The following CEP152 variants were observed in gnomAD, a reference collection of about 807,000 sequenced individuals.
CEP152 encodes the protein centrosomal protein 152.
CEP152 carries 132 observed loss-of-function variants against 188.9 expected under a neutral mutation model. That is an observed-to-expected ratio of 0.70 (90% CI 0.61 to 0.81). The LOEUF is 0.81. Ranked by LOEUF, CEP152 falls within the 30% of genes least tolerant of loss-of-function variation. The probability of loss-of-function intolerance (pLI) is 0.00; values close to 1 mark genes in which losing one functional copy is unlikely to be tolerated. For synonymous variants in CEP152, 649 were observed against 666.6 expected (o/e 0.97, Z 0.41); for missense variants, 1,914 against 1,969.8 (o/e 0.97, Z 0.54).
chr15:48,798,540 CT>C (rs10716423), intron 2 of CEP152, among the ~76,000 whole-genome samples: 61,194 of 151,900 alleles, frequency 0.4, 12,894 homozygotes, highest in Non-Finnish European at 0.47. Flanking sequence ...CTTAAATGCT[CT>C]GATAATGTAG....
intron 25 of CEP152, 83 bp downstream of exon 25, chr15:48,741,864 A>G: frequency 6.2e-7 from 1 of 1,612,902 alleles, no homozygotes; most frequent in Non-Finnish European, 8.5e-7. Context: ...GAAATAGTTA[A>G]TTTAGTGGTT....
Position 48,748,443 on chromosome 15 carries a change from C to T in CEP152, c.3634G>A (p.Glu1212Lys), listed in dbSNP as rs1222147065. 2.6e-6 allele frequency: 4 copies of T among 1,526,992 alleles called. No homozygotes were observed. In the Admixed American group the frequency reaches 8.1e-5, roughly 31 times the overall value. The allele number at this position is 1,526,992 out of a possible 1,614,324, so 94.6% of individuals were successfully genotyped here. ...TAGCAGTGCTACTTTAAATGCTAACCTCCAATTTTTTCCACTACAGCTTTG... is the reference window on the plus strand; with the variant it reads ...TAGCAGTGCTACTTTAAATGCTAACTTCCAATTTTTTCCACTACAGCTTTG... ...KHKAVVEKIGEENNKVVEELI... is the reference protein window; with the variant it reads ...KHKAVVEKIGKENNKVVEELI... Residue 1212 changes from glutamate to lysine, a missense_variant and splice_region_variant, in exon 22 of 27, where the codon GAA (glutamate) becomes AAA (lysine). Coordinates refer to ENST00000380950, the MANE Select transcript of CEP152 (RefSeq NM_001194998.2).
chr15:48,745,011 A>C lies in CEP152; in HGVS notation c.3635-19T>G. ...TTCTCTTCTATAACAGAAAGTTTAT[A>C]GTATATTAGACAGTTAAAAATTTTT... On this transcript the variant is annotated intron_variant, in intron 22 of 26. Coordinates refer to ENST00000380950, the MANE Select transcript of CEP152 (RefSeq NM_001194998.2). 3.8e-6 allele frequency: 6 copies of C among 1,564,354 alleles called. No homozygotes were observed. The highest frequency in any genetic ancestry group is 5.2e-6 in the Non-Finnish European group (6 of 1,147,944).
chr15:48,763,855 T>C (rs774538060), intron 17 of CEP152, among the ~76,000 whole-genome samples: 14 of 152,348 alleles, frequency 9.2e-5, no homozygotes, highest in Non-Finnish European at 1.6e-4. Context: ...AGACTGCCCA[T>C]TACTTCTTTG....
At chr15:48,805,696 T>C (rs775705798) in intron 1 of CEP152, 40 bp from the exon 2 acceptor site, 9 of 1,612,534 alleles carry the variant, frequency 5.6e-6, no homozygotes, top group South Asian at 1.1e-5. Context: ...GGACACCACA[T>C]AAAATCTCCC....
In CEP152 at chr15:48,767,973, T is replaced by C. The variant is rs115769844; in HGVS notation, c.2018+246A>G. 0.017 allele frequency among the ~76,000 whole-genome samples: 2,565 copies of C among 152,288 alleles called. 76 individuals are homozygous for C. Among genetic ancestry groups the C allele is most frequent in the African/African-American group, 0.058 (2,430 of 41,540 alleles). On this transcript the variant is annotated intron_variant, in intron 15 of 26. Coordinates refer to ENST00000380950, the MANE Select transcript of CEP152 (RefSeq NM_001194998.2). ...GAGTCTTTAAAAAAATATTAACCTA[T>C]AATATTTCAGTGAACTACAGTTTCA...
In CEP152 at chr15:48,756,099, A is replaced by G. The variant is rs398122977; in HGVS notation, c.3149T>C (p.Leu1050Pro). The change falls in exon 20 of 27, where the codon CTT (leucine) becomes CCT (proline). Residue 1050 changes from leucine to proline, a missense_variant. Transcript: ENST00000380950. ...TTGGGTATCACTTAAAAGAACCCCA[A>G]GTACAGTCAGGATGTCTTCCTCATA... Reference protein sequence around the residue: ...YQYEEDILTVLGVLLSDTQKE... With the variant: ...YQYEEDILTVPGVLLSDTQKE... 1.1e-5 allele frequency: 17 copies of G among 1,614,132 alleles called. 1 individual carries two copies. The South Asian group carries it at 1.9e-4, about 18-fold the overall frequency.
chr15:48,738,252 G>A lies in CEP152; in HGVS notation c.5130C>T (p.Asp1710=). The A allele has an allele frequency of 6.2e-7, 1 of 1,611,980 alleles. No individual in the cohort carries two copies. Among genetic ancestry groups the A allele is most frequent in the South Asian group, 1.1e-5 (1 of 90,918 alleles). ...CTTCTTAAATACTGTACCATAATTA[G>A]TCTAGATTAACAAATGGGCTATCAA... The part of the protein sequence containing the change: ...SGFDSPFVNL[D] Residue 1710 remains aspartate (D), a synonymous_variant, in exon 27 of 27, where the codon GAC becomes GAT. Transcript: ENST00000380950.
intron 7 of CEP152, among the ~76,000 whole-genome samples, 188 bp downstream of exon 7, chr15:48,793,133 G>A (rs887125474): frequency 2.4e-4 from 37 of 152,124 alleles, no homozygotes; most frequent in African/African-American, 8.9e-4. Flanking sequence ...CCAAAACAGC[G>A]TGTTCCAAAG....
chr15:48,805,777 T>A (rs577129214), intron 1 of CEP152, 121 bp from the exon 2 acceptor site: 1 of 1,325,570 alleles, frequency 7.5e-7, no homozygotes, highest in South Asian at 1.3e-5. Flanking sequence ...GGAGAAAATA[T>A]GTATAACTCA....
At chr15:48,762,341 T>A in intron 18 of CEP152, 50 bp downstream of exon 18, 2 of 1,526,706 alleles carry the variant, frequency 1.3e-6, no homozygotes, top group Non-Finnish European at 1.8e-6. Flanking sequence ...GGGTTTTCAT[T>A]AAGAGACAGG....
Position 48,767,463 on chromosome 15 carries a change from C to G in CEP152, c.2019G>C (p.Arg673Ser), listed in dbSNP as rs587783418. Reference sequence around the variant, plus strand: ...GGTGCTGCTGATAAGTCCTTTCACACCTGGAAACAGAGCGGAATCAAAGGC... The same window carrying G: ...GGTGCTGCTGATAAGTCCTTTCACAGCTGGAAACAGAGCGGAATCAAAGGC... ...FDHDKQEAVDRCERTYQQHHE... is the reference protein window; with the variant it reads ...FDHDKQEAVDSCERTYQQHHE... Residue 673 changes from arginine (R) to serine (S), a missense_variant and splice_region_variant, in exon 16 of 27, where the codon AGG becomes AGC. Physicochemically the swap from Arg to Ser is moderately radical, Grantham distance 110 (BLOSUM62 -1). Transcript: ENST00000380950. 1.2e-6 allele frequency: 2 copies of G among 1,614,076 alleles called. No homozygotes were observed. Among genetic ancestry groups the G allele is most frequent in the Non-Finnish European group, 1.7e-6 (2 of 1,179,978 alleles).
intron 19 of CEP152, among the ~76,000 whole-genome samples, chr15:48,757,179 C>A (rs528586298): frequency 6.6e-6 from 1 of 152,244 alleles, no homozygotes; most frequent in South Asian, 2.1e-4. Flanking sequence ...CCAATCCTGA[C>A]ACCAATTTGC....
rs1567024681 is a variant in CEP152 at position 48,793,441 on chromosome 15, T to C, written c.712A>G (p.Ile238Val). 3 of 1,613,644 alleles carry C rather than the reference T, an allele frequency of 1.9e-6. No homozygotes were observed. In the Admixed American group the frequency reaches 5.0e-5, roughly 27 times the overall value. ...ANENSAENMQ[I>V]IQLQVLNKAK... ...TTGTTAAGAACCTGAAGTTGAATAA[T>C]CTGCATATTTTCTGCAGAGTCTGGG... is the stretch of plus-strand genomic sequence containing the variant. Residue 238 changes from isoleucine (I) to valine (V), a missense_variant, in exon 7 of 27, where the codon ATT becomes GTT. Physicochemically the swap from Ile to Val is conservative, Grantham distance 29. Coordinates refer to ENST00000380950, the MANE Select transcript of CEP152 (RefSeq NM_001194998.2).
At chr15:48,799,914 A>G (rs558867194) in intron 2 of CEP152, among the ~76,000 whole-genome samples, 9 of 152,336 alleles carry the variant, frequency 5.9e-5, no homozygotes, top group Admixed American at 3.9e-4. Context: ...TACACAAGGA[A>G]AAATAAAACA....
Position 48,793,465 on chromosome 15 carries a change from G to A in CEP152, c.692-4C>T, listed in dbSNP as rs762215254. On this transcript the variant is annotated splice_polypyrimidine_tract_variant and splice_region_variant and intron_variant, in intron 6 of 26. Coordinates refer to ENST00000380950, the MANE Select transcript of CEP152 (RefSeq NM_001194998.2). ...ATCTGCATATTTTCTGCAGAGTCTG[G>A]GAATTAAAGACAATTTATTAGATAA... The A allele has an allele frequency of 9.9e-6, 16 of 1,611,358 alleles. No individual in the cohort carries two copies. The highest frequency in any genetic ancestry group is 2.7e-5 in the African/African-American group (2 of 74,930).
At chr15:48,803,705 A>G (rs1897812608) in intron 2 of CEP152, among the ~76,000 whole-genome samples, 1 of 152,178 alleles carries the variant, frequency 6.6e-6, no homozygotes, top group African/African-American at 2.4e-5. Flanking sequence ...GCTGTTTTCT[A>G]TATTATCTAG....
At chr15:48,785,141 G>A in intron 9 of CEP152, among the ~76,000 whole-genome samples, 1 of 152,120 alleles carries the variant, frequency 6.6e-6, no homozygotes, top group East Asian at 1.9e-4. Context: ...CTGATCTGTA[G>A]TATAACCTAA....
At chr15:48,807,978 C>T (rs1363398700) in intron 1 of CEP152, among the ~76,000 whole-genome samples, 1 of 151,902 alleles carries the variant, frequency 6.6e-6, no homozygotes, top group Non-Finnish European at 1.5e-5. Flanking sequence ...TTAAAGAAGA[C>T]ATCTAAAAAT....
Sources: gnomAD v4.1 joint callset for allele counts (sites outside exome capture counted in the v4.1 genomes callset) on GRCh38, gnomAD v4.1.1 for gene constraint, MANE v1.5 for transcripts, NCBI Gene and HGNC (gene_info 2026-07-23, HGNC 2026-07-21) for gene names.